The following MARVELD3 variants were observed in gnomAD, a reference collection of about 807,000 sequenced individuals.
MARVELD3 encodes MARVEL domain-containing protein 3.
Under a neutral mutation model 33.5 loss-of-function variants are expected in MARVELD3, and 28 were observed. The ratio of observed to expected loss-of-function variants is 0.84; its 90% confidence interval spans 0.62 to 1.15. The LOEUF (loss-of-function observed/expected upper bound fraction) is 1.15, where lower values mean the gene tolerates loss of function less well. Ranked by LOEUF, MARVELD3 falls within the 50% of genes most tolerant of loss-of-function variation. The pLI, the probability that MARVELD3 is intolerant of heterozygous loss-of-function variation, is 0.00. For missense variants in MARVELD3, 582 were observed against 547.6 expected (o/e 1.06, Z -0.63); for synonymous variants, 241 against 230.4 (o/e 1.05, Z -0.42).
At chr16:71,640,970 A>G, downstream of MARVELD3, 19 of 1,613,692 alleles carry the variant, frequency 1.2e-5, no homozygotes, top group Non-Finnish European at 1.6e-5. Flanking sequence ...AAGGCAGCCG[A>G]GAACAGCCCG....
rs2044569630 is a variant in MARVELD3, at chr16:71,634,948, C to T, written c.*145C>T. 9 of 1,435,660 alleles carry T rather than the reference C, an allele frequency of 6.3e-6. No individual in the cohort carries two copies. The highest frequency in any genetic ancestry group is 5.5e-6 in the Non-Finnish European group (6 of 1,097,396). 88.9% of individuals were successfully genotyped at this position (1,435,660 alleles called of 1,614,324 possible). A position where few individuals can be genotyped will look rare whatever the true frequency, so the allele number is the denominator to read the frequency against. ...TGGTGTGGTGGGCGGAGCTCCCAGT[C>T]GCATGGAGCGGTGTTCATGGATGCA... is the stretch of plus-strand genomic sequence containing the variant. On this transcript the variant is annotated 3_prime_UTR_variant, in exon 3 of 3. Coordinates refer to ENST00000268485, the MANE Select transcript of MARVELD3 (RefSeq NM_052858.6).
chr16:71,629,764 C>A, intron 2 of MARVELD3: 1 of 448,882 alleles, frequency 2.2e-6, no homozygotes, highest in Non-Finnish European at 3.8e-6. Flanking sequence ...TTTCAGACTC[C>A]AGGTGGAAGT....
rs2044576429 is a variant in MARVELD3, at chr16:71,635,652, T to C, written c.*849T>C. The C allele has an allele frequency of 2.0e-6, 2 of 984,734 alleles. No individual in the cohort carries two copies. The highest frequency in any genetic ancestry group is 2.4e-6 in the Non-Finnish European group (2 of 829,866). The allele number at this position is 984,734 out of a possible 1,614,324, so 61.0% of individuals were successfully genotyped here. ...AAGTTCATGGAGAGCCACATAGACA[T>C]GAGACCACACTTCAGCCTGAATTTT... On this transcript the variant is annotated 3_prime_UTR_variant, in exon 3 of 3. Coordinates refer to ENST00000268485, the MANE Select transcript of MARVELD3 (RefSeq NM_052858.6).
intron 1 of MARVELD3, among the ~76,000 whole-genome samples, chr16:71,627,075 G>C (rs768588747): frequency 3.3e-5 from 5 of 152,220 alleles, no homozygotes; most frequent in Non-Finnish European, 7.3e-5. Flanking sequence ...TTGGGGTTCA[G>C]ACCCTTGTCC....
downstream of MARVELD3, chr16:71,640,740 A>C: frequency 1.2e-6 from 2 of 1,614,234 alleles, no homozygotes; most frequent in Non-Finnish European, 1.7e-6. Flanking sequence ...GGGCTACTGC[A>C]CAGGCATTGG....
Position 71,634,720 on chromosome 16 carries a change from G to T in MARVELD3, c.1123G>T (p.Ala375Ser), listed in dbSNP as rs2044567130. ...TGCTGCCCTGGGCATTGTGGTCTTT[G>T]CCCTGGGGGCTGTCCTGGCCATAAA... ...IFAALGIVVF[A>S]LGAVLAIKGY... Residue 375 changes from alanine to serine, a missense_variant, in exon 3 of 3, where the codon GCC becomes TCC. Physicochemically the swap from Ala to Ser is moderately conservative, Grantham distance 99. Transcript: ENST00000268485. 1.9e-6 allele frequency: 3 copies of T among 1,614,238 alleles called. No individual in the cohort carries two copies. In the African/African-American group the frequency reaches 4.0e-5, roughly 22 times the overall value.
In MARVELD3 at chr16:71,634,826, G is replaced by A. The variant is rs2044568330; in HGVS notation, c.*23G>A. The A allele has an allele frequency of 6.4e-7, 1 of 1,553,868 alleles. No individual in the cohort carries two copies. The highest frequency in any genetic ancestry group is 1.4e-5 in the African/African-American group (1 of 72,630). On this transcript the variant is annotated 3_prime_UTR_variant, in exon 3 of 3. Coordinates refer to ENST00000268485, the MANE Select transcript of MARVELD3 (RefSeq NM_052858.6). ...TAAGGGTTTCTAAAACGCTCTGACA[G>A]ATGCAAGTGGTGGTGGAAGGTAGTC... is the stretch of plus-strand genomic sequence containing the variant.
chr16:71,629,343 A>G, intron 1 of MARVELD3, 24 bp from the exon 2 acceptor site: 1 of 1,520,280 alleles, frequency 6.6e-7, no homozygotes, highest in Non-Finnish European at 8.7e-7. Flanking sequence ...CCCCCTAATG[A>G]CCATGTATGC....
chr16:71,640,354 A>T (rs1339372235), downstream of MARVELD3: 1 of 1,601,608 alleles, frequency 6.2e-7, no homozygotes, highest in Non-Finnish European at 8.5e-7. Context: ...TGGGTGAGTA[A>T]TGTCAGTGTT....
At chr16:71,640,398 C>G, downstream of MARVELD3, 1 of 1,613,920 alleles carries the variant, frequency 6.2e-7, no homozygotes, top group East Asian at 2.2e-5. Flanking sequence ...AGGTGTGGTG[C>G]AGATAGTGGA....
chr16:71,640,706 C>T (rs1177021642), downstream of MARVELD3: 6 of 1,614,224 alleles, frequency 3.7e-6, no homozygotes, highest in Non-Finnish European at 5.1e-6. Flanking sequence ...TCACGGAGGC[C>T]GCCTTCAGCC....
chr16:71,626,668 G>A lies in MARVELD3; in HGVS notation c.439G>A (p.Gly147Arg), dbSNP rs1265139831. 2 of 1,516,910 alleles carry A rather than the reference G, an allele frequency of 1.3e-6. No homozygotes were observed. The allele number at this position is 1,516,910 out of a possible 1,614,324, so 94.0% of individuals were successfully genotyped here. The change falls in exon 1 of 3, where the codon GGA (glycine) becomes AGA (arginine). Residue 147 changes from glycine to arginine, a missense_variant. Physicochemically the swap from Gly to Arg is moderately radical, Grantham distance 125. Coordinates refer to ENST00000268485, the MANE Select transcript of MARVELD3 (RefSeq NM_052858.6). The surrounding 1 kb of genome is among the most constrained non-coding windows in gnomAD (Gnocchi z 5.3). Reference protein sequence around the residue: ...APEPPQPQRKGDPGRRRPESE... With the variant: ...APEPPQPQRKRDPGRRRPESE... Reference sequence around the variant, plus strand: ...GGAGCCGCCGCAGCCGCAGAGGAAGGGAGACCCCGGGCGCCGCAGACCCGA... The same window carrying A: ...GGAGCCGCCGCAGCCGCAGAGGAAGAGAGACCCCGGGCGCCGCAGACCCGA...
chr16:71,637,159 T>G (rs774125316), downstream of MARVELD3, among the ~76,000 whole-genome samples: 3 of 152,150 alleles, frequency 2.0e-5, no homozygotes, highest in Non-Finnish European at 4.4e-5. Context: ...CCTGGCCATA[T>G]TCCTTCAACA....
At chr16:71,634,040 C>G (rs573007583) in intron 2 of MARVELD3, among the ~76,000 whole-genome samples, 153 bp from the exon 3 acceptor site, 159 of 152,318 alleles carry the variant, frequency 1.0e-3, no homozygotes, top group African/African-American at 3.7e-3. Context: ...CCTACTGCCC[C>G]CTAGTTTTAA....
chr16:71,636,829 G>A (rs1042830522), downstream of MARVELD3, among the ~76,000 whole-genome samples: 2 of 152,120 alleles, frequency 1.3e-5, no homozygotes, highest in South Asian at 2.1e-4. Flanking sequence ...GGGCTCAAGT[G>A]ATCCACCCAC....
Position 71,626,730 on chromosome 16 carries a change from CG to C in MARVELD3, c.467+38del, listed in dbSNP as rs1359934100. On this transcript the variant is annotated intron_variant, in intron 1 of 2. Coordinates refer to ENST00000268485, the MANE Select transcript of MARVELD3 (RefSeq NM_052858.6). This position sits in a 1 kb window ranked among gnomAD's most constrained non-coding sequence, Gnocchi z 5.3. ...GGCCGGGGCGCTGCGACCTCCGCGCCGGGGACACCTGTGGCCCAGGCCGGCC... is the reference window on the plus strand; with the variant it reads ...GGCCGGGGCGCTGCGACCTCCGCGCCGGGACACCTGTGGCCCAGGCCGGCC... 4 of 1,421,204 alleles carry C rather than the reference CG, an allele frequency of 2.8e-6. No homozygotes were observed. The highest frequency in any genetic ancestry group is 3.0e-5 in the South Asian group (2 of 65,642). 88.0% of individuals were successfully genotyped at this position (1,421,204 alleles called of 1,614,324 possible). A position where few individuals can be genotyped will look rare whatever the true frequency, so the allele number is the denominator to read the frequency against.
downstream of MARVELD3, chr16:71,640,255 A>G: frequency 1.0e-6 from 1 of 977,252 alleles, no homozygotes. Context: ...TGACAGAGTG[A>G]CACCGTCTCA....
chr16:71,629,353 C>T lies in MARVELD3; in HGVS notation c.468-14C>T. 8 of 1,530,202 alleles carry T rather than the reference C, an allele frequency of 5.2e-6. No homozygotes were observed. The highest frequency in any genetic ancestry group is 7.0e-6 in the Non-Finnish European group (8 of 1,150,146). 94.8% of individuals were successfully genotyped at this position (1,530,202 alleles called of 1,614,324 possible). On this transcript the variant is annotated splice_polypyrimidine_tract_variant and intron_variant, in intron 1 of 2. Coordinates refer to ENST00000268485, the MANE Select transcript of MARVELD3 (RefSeq NM_052858.6). ...AGACACCCCCTAATGACCATGTATG[C>T]TTTTTGGTTATAGTGAACCCCCTTC...
downstream of MARVELD3, chr16:71,640,920 G>A (rs781437368): frequency 5.6e-6 from 9 of 1,614,130 alleles, no homozygotes; most frequent in Non-Finnish European, 7.6e-6. Flanking sequence ...CGCCAGCGTG[G>A]TGCTGGCCCT....
Sources: allele counts gnomAD v4.1 joint callset (sites outside exome capture counted in the v4.1 genomes callset), GRCh38; gene constraint gnomAD v4.1.1; non-coding constraint Gnocchi (gnomAD v3.1); transcripts MANE v1.5; gene names NCBI Gene and HGNC (gene_info 2026-07-23, HGNC 2026-07-21).